RXFP1: variants seen among roughly 807,000 people sequenced by gnomAD.
The protein encoded by RXFP1 is relaxin receptor 1.
RXFP1 carries 73 observed loss-of-function variants against 89.8 expected under a neutral mutation model. That is an observed-to-expected ratio of 0.81 (90% confidence interval 0.67 to 0.99). The LOEUF is 0.99. Among genes scored for constraint, RXFP1 ranks in the 50% least tolerant of loss-of-function variants. The pLI is 0.00. For missense variants in RXFP1, 793 were observed against 895.5 expected (o/e 0.89, Z 1.46); for synonymous variants, 277 against 305.5 (o/e 0.91, Z 0.97).
chr4:158,635,960 T>G (rs1769076079), intron 12 of RXFP1, among the ~76,000 whole-genome samples: 2 of 152,160 alleles, frequency 1.3e-5, no homozygotes, highest in African/African-American at 2.4e-5. Context: ...CCCAAAATGC[T>G]GCGATTACAG....
intron 4 of RXFP1, among the ~76,000 whole-genome samples, chr4:158,601,512 T>C (rs770981325): frequency 3.3e-5 from 5 of 152,248 alleles, no homozygotes; most frequent in Non-Finnish European, 1.5e-5. Context: ...AAAAATAGCA[T>C]TATCTTGTGC....
At chr4:158,643,029 T>A (rs1770687196) in intron 14 of RXFP1, among the ~76,000 whole-genome samples, 1 of 152,216 alleles carries the variant, frequency 6.6e-6, no homozygotes, top group South Asian at 2.1e-4. Flanking sequence ...AGAAGCTGGC[T>A]GCCCCACCCT....
intron 1 of RXFP1, chr4:158,543,824 A>C: frequency 1.0e-6 from 1 of 985,364 alleles, no homozygotes; most frequent in Non-Finnish European, 1.2e-6. Flanking sequence ...CCTTCGACAC[A>C]GAAGAAAACC....
At position 158,581,606 on chromosome 4, in the gene RXFP1, G is replaced by T. The variant is rs79927016; in HGVS notation, c.187+8771G>T. 8.8e-3 allele frequency among the ~76,000 whole-genome samples: 1,339 copies of T among 152,272 alleles called. 14 individuals carry two copies. The highest frequency in any genetic ancestry group is 0.03 in the African/African-American group (1,230 of 41,556). On this transcript the variant is annotated intron_variant, in intron 2 of 17. Transcript: ENST00000307765. ...TTGCAAGTATAATAGTATGAATAAT[G>T]AGTAGTATTTTTATAGCAGTTTCCA...
intron 11 of RXFP1, among the ~76,000 whole-genome samples, chr4:158,629,085 C>CT (rs1240532254): frequency 6.6e-6 from 1 of 151,752 alleles, no homozygotes; most frequent in African/African-American, 2.4e-5. Flanking sequence ...GGGTCTCACT[C>CT]TGTCTCCCAG....
intron 3 of RXFP1, among the ~76,000 whole-genome samples, chr4:158,598,498 G>A (rs920120984): frequency 2.0e-5 from 3 of 152,038 alleles, no homozygotes; most frequent in Non-Finnish European, 4.4e-5. Flanking sequence ...TCAGGAATTC[G>A]CCATTCCCCA....
chr4:158,637,440 G>T (rs1296029947), intron 12 of RXFP1, among the ~76,000 whole-genome samples: 1 of 152,102 alleles, frequency 6.6e-6, no homozygotes, highest in East Asian at 1.9e-4. Context: ...TATTCTAAAA[G>T]GTGTGAGGTA....
At chr4:158,548,476 T>A (rs561252163) in intron 1 of RXFP1, among the ~76,000 whole-genome samples, 1 of 152,114 alleles carries the variant, frequency 6.6e-6, no homozygotes, top group Non-Finnish European at 1.5e-5. Context: ...GTTATGTGTG[T>A]GTTTGGTCCT....
intron 14 of RXFP1, among the ~76,000 whole-genome samples, chr4:158,642,480 G>C (rs1770568602): frequency 6.6e-6 from 1 of 152,052 alleles, no homozygotes; most frequent in African/African-American, 2.4e-5. Flanking sequence ...AGTATCCTCT[G>C]TTCTACTTTT....
intron 6 of RXFP1, among the ~76,000 whole-genome samples, chr4:158,608,819 C>A (rs957029399): frequency 6.6e-6 from 1 of 152,120 alleles, no homozygotes; most frequent in African/African-American, 2.4e-5. Flanking sequence ...CAGCCCCTGG[C>A]AACCATCATT....
chr4:158,557,010 C>G (rs372968674), intron 1 of RXFP1, among the ~76,000 whole-genome samples: 1 of 152,092 alleles, frequency 6.6e-6, no homozygotes, highest in Non-Finnish European at 1.5e-5. Flanking sequence ...TGTTCTATTA[C>G]ACAGTAGAGT....
chr4:158,622,583 G>A (rs563667956), intron 9 of RXFP1, among the ~76,000 whole-genome samples: 11 of 152,260 alleles, frequency 7.2e-5, no homozygotes, highest in African/African-American at 2.6e-4. Flanking sequence ...TGAACTTAGG[G>A]GACATTATGC....
At chr4:158,563,227 C>T (rs915621151) in intron 1 of RXFP1, among the ~76,000 whole-genome samples, 5 of 152,126 alleles carry the variant, frequency 3.3e-5, no homozygotes, top group African/African-American at 1.2e-4. Context: ...TCTGAGAAAG[C>T]TTCTTTCTGC....
chr4:158,637,882 A>G (rs1769513103), intron 12 of RXFP1, 126 bp from the exon 13 acceptor site: 1 of 637,508 alleles, frequency 1.6e-6, no homozygotes, highest in South Asian at 1.8e-5. Flanking sequence ...TAAGTCTTTC[A>G]TCCATTACGA....
intron 12 of RXFP1, among the ~76,000 whole-genome samples, chr4:158,636,614 T>C (rs1290445679): frequency 5.9e-5 from 9 of 152,248 alleles, no homozygotes; most frequent in African/African-American, 1.9e-4. Context: ...ATGCTATTGC[T>C]ATCTCTTTAT....
At chr4:158,575,978 A>C (rs1442505628) in intron 2 of RXFP1, among the ~76,000 whole-genome samples, 2 of 152,182 alleles carry the variant, frequency 1.3e-5, no homozygotes, top group Non-Finnish European at 2.9e-5. Context: ...TTTCTCAAGC[A>C]CCTGCAGTCA....
intron 2 of RXFP1, among the ~76,000 whole-genome samples, chr4:158,590,711 G>A (rs769001098): frequency 2.6e-5 from 4 of 152,102 alleles, no homozygotes; most frequent in East Asian, 1.9e-4. Flanking sequence ...AAGAAGAATC[G>A]GAATAGATAA....
At chr4:158,640,340 A>G (rs566872583) in intron 14 of RXFP1, among the ~76,000 whole-genome samples, 24 of 152,264 alleles carry the variant, frequency 1.6e-4, no homozygotes, top group African/African-American at 5.8e-4. Context: ...CATTACTACA[A>G]AGGAATATCG....
At chr4:158,536,399 C>T (rs1745286354) in intron 1 of RXFP1, among the ~76,000 whole-genome samples, 1 of 152,092 alleles carries the variant, frequency 6.6e-6, no homozygotes. Context: ...TATGATGAAA[C>T]AGTGCTGAAA....
Sources: gnomAD v4.1 joint callset for allele counts (sites outside exome capture counted in the v4.1 genomes callset) on GRCh38, gnomAD v4.1.1 for gene constraint, MANE v1.5 for transcripts, NCBI Gene and HGNC (gene_info 2026-07-23, HGNC 2026-07-21) for gene names.